Variants in DOCK1 observed in about 807,000 individuals in gnomAD.
DOCK1 encodes dedicator of cytokinesis protein 1.
Under a neutral mutation model 262.7 loss-of-function variants are expected in DOCK1, and 138 were observed. That is an observed-to-expected ratio of 0.53 (90% CI 0.46 to 0.61). DOCK1 has a LOEUF of 0.61. DOCK1 is among the 20% of genes least tolerant of loss of function. The pLI, the probability that DOCK1 is intolerant of heterozygous loss-of-function variation, is 0.00. For synonymous variants in DOCK1, 866 were observed against 867.4 expected (o/e 1.00, Z 0.03); for missense variants, 1,908 against 2,370.7 (o/e 0.80, Z 4.05).
intron 28 of DOCK1, among the ~76,000 whole-genome samples, chr10:127,250,822 A>G (rs1590122947): frequency 7.9e-6 from 1 of 126,662 alleles, no homozygotes. Flanking sequence ...AAAAAAAAAA[A>G]TGACGTTTGT....
chr10:127,301,012 T>G lies in DOCK1; in HGVS notation c.3045-37994T>G, dbSNP rs145727525. Reference sequence around the variant, plus strand: ...CCCTAGCCTGTTCTAACCCTTGAACTGCTTGAGAGATGTCAAAATCATAAC... The same window carrying G: ...CCCTAGCCTGTTCTAACCCTTGAACGGCTTGAGAGATGTCAAAATCATAAC... On this transcript the variant is annotated intron_variant, in intron 29 of 51. Transcript: ENST00000623213. Among the ~76,000 whole-genome samples, 1,169 of 152,350 alleles carry G rather than the reference T, an allele frequency of 7.7e-3. 5 individuals carry two copies. The highest frequency in any genetic ancestry group is 0.014 in the South Asian group (68 of 4,830).
In DOCK1 at chr10:127,451,651, A is replaced by G. The variant is rs745588609; in HGVS notation, c.*224A>G. The stretch of plus-strand genomic sequence containing the variant: ...GGTAGATATGGGTCCGGGATGTGCT[A>G]TCGTAGTTATCAGAGTTGGGGGCCT... On this transcript the variant is annotated 3_prime_UTR_variant, in exon 52 of 52. Coordinates refer to ENST00000623213, the MANE Select transcript of DOCK1 (RefSeq NM_001290223.2). The G allele has an allele frequency of 3.5e-4, 341 of 987,816 alleles. No individual in the cohort carries two copies. The highest frequency in any genetic ancestry group is 4.6e-4 in the Non-Finnish European group (332 of 714,896). 61.2% of individuals were successfully genotyped at this position (987,816 alleles called of 1,614,324 possible). A position where few individuals can be genotyped will look rare whatever the true frequency, so the allele number is the denominator to read the frequency against.
At chr10:126,970,815 T>TA (rs1463433188) in intron 2 of DOCK1, 30 bp downstream of exon 2, 1 of 1,604,692 alleles carries the variant, frequency 6.2e-7, no homozygotes, top group East Asian at 2.2e-5. Context: ...TCTTTTCTCT[T>TA]ACATTTTGGG....
intron 27 of DOCK1, among the ~76,000 whole-genome samples, chr10:127,215,530 TGCTAGCAG>T (rs2058169266): frequency 6.6e-6 from 1 of 152,206 alleles, no homozygotes; most frequent in Non-Finnish European, 1.5e-5. Context: ...CTTGAGTTCC[TGCTAGCAG>T]GTACCAATAA....
At position 127,222,810 on chromosome 10, in the gene DOCK1, C is replaced by T. The variant is rs141214732; in HGVS notation, c.2848-25198C>T. 2.0e-3 allele frequency among the ~76,000 whole-genome samples: 194 copies of T among 95,266 alleles called. 1 individual carries two copies. Among genetic ancestry groups the T allele is most frequent in the Middle Eastern group, 0.01 (1 of 100 alleles). 62.5% of individuals were successfully genotyped at this position (95,266 alleles called of 152,430 possible). A position where few individuals can be genotyped will look rare whatever the true frequency, so the allele number is the denominator to read the frequency against. ...CCTCCCAAGTAGCTGGGACTACAAG[C>T]ACTTGCCACTACGCCTGGCTAATTT... On this transcript the variant is annotated intron_variant, in intron 27 of 51. Coordinates refer to ENST00000623213, the MANE Select transcript of DOCK1 (RefSeq NM_001290223.2).
At chr10:127,093,242 CTTTTTTTT>C (rs200302331) in intron 23 of DOCK1, among the ~76,000 whole-genome samples, 1 of 79,342 alleles carries the variant, frequency 1.3e-5, no homozygotes, top group African/African-American at 6.7e-5. Flanking sequence ...TTTCTTTCTT[CTTTTTTTT>C]TTTTTTTTTT....
chr10:127,162,716 A>G (rs2053693238), intron 27 of DOCK1, among the ~76,000 whole-genome samples: 1 of 152,166 alleles, frequency 6.6e-6, no homozygotes, highest in Admixed American at 6.5e-5. Context: ...TGTTCTAATC[A>G]TAGACCTTAA....
intron 23 of DOCK1, among the ~76,000 whole-genome samples, chr10:127,092,279 GAT>G (rs1386150528): frequency 2.6e-5 from 4 of 152,174 alleles, no homozygotes; most frequent in Non-Finnish European, 4.4e-5. Context: ...GAGAGGTCAG[GAT>G]TTGATCCTGG....
chr10:127,209,353 A>T (rs2057867600), intron 27 of DOCK1, among the ~76,000 whole-genome samples: 1 of 152,196 alleles, frequency 6.6e-6, no homozygotes, highest in Admixed American at 6.5e-5. Flanking sequence ...ATCTGAGGTC[A>T]CCCTGTGTGG....
intron 38 of DOCK1, 51 bp downstream of exon 38, chr10:127,384,960 C>T: frequency 3.3e-6 from 5 of 1,500,976 alleles, no homozygotes; most frequent in Non-Finnish European, 4.4e-6. Flanking sequence ...ATGCACCTAC[C>T]TGCAGTGTTG....
intron 27 of DOCK1, 34 bp from the exon 28 acceptor site, chr10:127,247,974 T>C (rs777601973): frequency 6.2e-7 from 1 of 1,600,566 alleles, no homozygotes; most frequent in South Asian, 1.1e-5. Context: ...TGTTGCTCTG[T>C]CTCATCTAAT....
At chr10:127,296,712 G>C (rs1395898516) in intron 29 of DOCK1, among the ~76,000 whole-genome samples, 2 of 152,192 alleles carry the variant, frequency 1.3e-5, no homozygotes, top group Non-Finnish European at 2.9e-5. Context: ...CCAGGACAAT[G>C]GGATGAGGGA....
intron 6 of DOCK1, among the ~76,000 whole-genome samples, chr10:126,992,776 A>G (rs1251424474): frequency 7.4e-6 from 1 of 135,592 alleles, no homozygotes; most frequent in Admixed American, 8.1e-5. Context: ...ACAGACACAG[A>G]CACACACACA....
Position 127,345,657 on chromosome 10 carries a change from G to A in DOCK1, c.3224+1911G>A, listed in dbSNP as rs1230854698. Among the ~76,000 whole-genome samples the A allele has an allele frequency of 3.3e-5, 5 of 152,158 alleles. No homozygotes were observed. In the East Asian group the frequency reaches 5.8e-4, roughly 18 times the overall value. On this transcript the variant is annotated intron_variant, in intron 31 of 51. Coordinates refer to ENST00000623213, the MANE Select transcript of DOCK1 (RefSeq NM_001290223.2). Reference sequence around the variant, plus strand: ...GTGTAGGCAGAGTGGGTGCTCGCCTGTGACTACCGAAGCGGCACGCAGCAG... The same window carrying A: ...GTGTAGGCAGAGTGGGTGCTCGCCTATGACTACCGAAGCGGCACGCAGCAG...
intron 15 of DOCK1, 73 bp downstream of exon 15, chr10:127,024,856 C>T: frequency 7.6e-7 from 1 of 1,316,276 alleles, no homozygotes; most frequent in Non-Finnish European, 1.0e-6. Flanking sequence ...AGGAAACATC[C>T]TAACATCCTC....
intron 29 of DOCK1, among the ~76,000 whole-genome samples, chr10:127,327,639 A>C (rs1431070486): frequency 6.6e-6 from 1 of 152,188 alleles, no homozygotes; most frequent in Non-Finnish European, 1.5e-5. Context: ...TCCTTCGGAG[A>C]CCTCTTTGGA....
chr10:127,136,893 A>G (rs2050749086), intron 27 of DOCK1: 1 of 152,534 alleles, frequency 6.6e-6, no homozygotes, highest in Admixed American at 6.6e-5. Context: ...TACCATGGCT[A>G]ACAGTGTCTC....
At chr10:127,263,344 T>C (rs2060241408) in intron 29 of DOCK1, among the ~76,000 whole-genome samples, 1 of 23,386 alleles carries the variant, frequency 4.3e-5, no homozygotes, top group South Asian at 6.2e-4. Context: ...TATATGTGTA[T>C]ATATAGATTG....
At chr10:127,408,889 C>CAA (rs3832704) in intron 40 of DOCK1, 148 bp from the exon 41 acceptor site, 699 of 1,082,768 alleles carry the variant, frequency 6.5e-4, no homozygotes, top group Middle Eastern at 1.3e-3. Context: ...AACGCAAGTA[C>CAA]AAAAAAAAAT....
Sources: allele counts gnomAD v4.1 joint callset (sites outside exome capture counted in the v4.1 genomes callset), GRCh38; gene constraint gnomAD v4.1.1; transcripts MANE v1.5; gene names NCBI Gene and HGNC (gene_info 2026-07-23, HGNC 2026-07-21).